The following GNAI3 variants were observed in gnomAD, a reference collection of about 807,000 sequenced individuals.
The protein encoded by GNAI3 is guanine nucleotide-binding protein G(i) subunit alpha-3.
GNAI3 carries 12 observed loss-of-function variants against 41.8 expected under a neutral mutation model. That is an observed-to-expected ratio of 0.29 (90% confidence interval 0.18 to 0.47). The LOEUF (loss-of-function observed/expected upper bound fraction) is 0.47, where lower values mean the gene tolerates loss of function less well. Ranked by LOEUF, GNAI3 falls within the 20% of genes least tolerant of loss-of-function variation. The pLI, the probability that GNAI3 is intolerant of heterozygous loss-of-function variation, is 1.00. For synonymous variants in GNAI3, 132 were observed against 146.5 expected (o/e 0.90, Z 0.71); for missense variants, 360 against 429.6 (o/e 0.84, Z 1.43).
At chr1:109,573,227 G>C (rs1486954048) in intron 1 of GNAI3, among the ~76,000 whole-genome samples, 1 of 152,158 alleles carries the variant, frequency 6.6e-6, no homozygotes, top group Non-Finnish European at 1.5e-5. Context: ...GGGTGGTCTT[G>C]AGATGACATA....
In GNAI3 at chr1:109,582,228, C is replaced by T. The variant is rs186952258; in HGVS notation, c.462-209C>T. ...CTGGTCTTGAACTCCTGGCCTCAAGCGACCTTCCTGCCTTGGCCTCCCAGA... is the reference window on the plus strand; with the variant it reads ...CTGGTCTTGAACTCCTGGCCTCAAGTGACCTTCCTGCCTTGGCCTCCCAGA... On this transcript the variant is annotated intron_variant, in intron 4 of 8. Coordinates refer to ENST00000369851, the MANE Select transcript of GNAI3 (RefSeq NM_006496.4). Among the ~76,000 whole-genome samples, 370 of 152,188 alleles carry T rather than the reference C, an allele frequency of 2.4e-3. 2 individuals are homozygous for T. The highest frequency in any genetic ancestry group is 5.6e-3 in the Admixed American group (85 of 15,296).
At position 109,576,090 on chromosome 1, in the gene GNAI3, C is replaced by T. The variant is rs557107318; in HGVS notation, c.303+2053C>T. Among the ~76,000 whole-genome samples, 16 of 152,026 alleles carry T rather than the reference C, an allele frequency of 1.1e-4. No homozygotes were observed. In the South Asian group the frequency reaches 1.5e-3, roughly 14 times the overall value. On this transcript the variant is annotated intron_variant, in intron 3 of 8. Coordinates refer to ENST00000369851, the MANE Select transcript of GNAI3 (RefSeq NM_006496.4). Reference sequence around the variant, plus strand: ...ATTTTTGTTTGTTTGTTTTTTGAGGCGGAGTTTTGCTCTTGTCACCCAGGC... The same window carrying T: ...ATTTTTGTTTGTTTGTTTTTTGAGGTGGAGTTTTGCTCTTGTCACCCAGGC...
intron 7 of GNAI3, among the ~76,000 whole-genome samples, chr1:109,588,762 G>A (rs150048699): frequency 0.025 from 3,754 of 151,440 alleles, 187 homozygotes; most frequent in African/African-American, 0.086. Flanking sequence ...GCATGGTGGT[G>A]TGCGCCTGTA....
intron 3 of GNAI3, among the ~76,000 whole-genome samples, chr1:109,578,274 C>T (rs1648800377): frequency 1.3e-5 from 2 of 152,006 alleles, no homozygotes; most frequent in South Asian, 2.1e-4. Context: ...TGTTCGAGAC[C>T]AGCCTGGCCA....
At chr1:109,572,313 T>TAAC (rs750952616) in intron 1 of GNAI3, among the ~76,000 whole-genome samples, 1 of 151,708 alleles carries the variant, frequency 6.6e-6, no homozygotes, top group South Asian at 2.1e-4. Flanking sequence ...CCATCTCAAA[T>TAAC]AATAATAATA....
intron 1 of GNAI3, among the ~76,000 whole-genome samples, chr1:109,552,019 G>A (rs1229004588): frequency 1.3e-5 from 2 of 152,088 alleles, no homozygotes; most frequent in Admixed American, 6.5e-5. Flanking sequence ...AAAATTAGCC[G>A]GGCGTGGTGG....
chr1:109,589,226 G>T (rs1322425461), intron 7 of GNAI3, among the ~76,000 whole-genome samples: 2 of 152,058 alleles, frequency 1.3e-5, no homozygotes, highest in Non-Finnish European at 2.9e-5. Context: ...TGGCAGGAGA[G>T]GAAGAAAGAT....
chr1:109,550,298 A>T (rs1647947801), intron 1 of GNAI3, among the ~76,000 whole-genome samples: 1 of 152,168 alleles, frequency 6.6e-6, no homozygotes, highest in South Asian at 2.1e-4. Context: ...TATAAAGGGA[A>T]AGTTATGTAT....
Position 109,586,320 on chromosome 1 carries a change from T to C in GNAI3, c.695T>C (p.Leu232Pro). The C allele has an allele frequency of 6.2e-7, 1 of 1,612,810 alleles. No homozygotes were observed. Among genetic ancestry groups the C allele is most frequent in the Non-Finnish European group, 8.5e-7 (1 of 1,179,322 alleles). ...TGTGTGGCCCTCAGTGATTATGACC[T>C]TGTTCTGGCTGAGGACGAGGAGATG... Reference protein sequence around the residue: ...IFCVALSDYDLVLAEDEEMNR... With the variant: ...IFCVALSDYDPVLAEDEEMNR... The change falls in exon 6 of 9, where the codon CTT becomes CCT. Residue 232 changes from leucine (L) to proline (P), a missense_variant. Transcript: ENST00000369851.
At chr1:109,591,671 T>G (rs1452014710) in intron 7 of GNAI3, 4 of 413,774 alleles carry the variant, frequency 9.7e-6, no homozygotes, top group African/African-American at 8.2e-5. Context: ...CCAAGATCAC[T>G]CCAAGGAACA....
At position 109,586,765 on chromosome 1, in the gene GNAI3, A is replaced by C. The variant is rs1649041558; in HGVS notation, c.757A>C (p.Ile253Leu). ...MHESMKLFDSICNNKWFTETS... is the reference protein window; with the variant it reads ...MHESMKLFDSLCNNKWFTETS... The stretch of plus-strand genomic sequence containing the variant: ...TGAAAGCATGAAACTGTTTGACAGC[A>C]TTTGTAATAACAAATGGTTTACAGA... The change falls in exon 7 of 9, where the codon ATT becomes CTT. Residue 253 changes from isoleucine to leucine, a missense_variant. Transcript: ENST00000369851. The C allele has an allele frequency of 6.2e-7, 1 of 1,605,530 alleles. No homozygotes were observed. The highest frequency in any genetic ancestry group is 8.5e-7 in the Non-Finnish European group (1 of 1,173,428).
In GNAI3 at chr1:109,553,385, T is replaced by C. The variant is rs535878052; in HGVS notation, c.118+4547T>C. Among the ~76,000 whole-genome samples the C allele has an allele frequency of 1.6e-4, 25 of 152,340 alleles. No homozygotes were observed. In the East Asian group the frequency reaches 4.8e-3, roughly 29 times the overall value. On this transcript the variant is annotated intron_variant, in intron 1 of 8. Coordinates refer to ENST00000369851, the MANE Select transcript of GNAI3 (RefSeq NM_006496.4). ...TCTTTGGGATTTGCTGGTGGTAGTA[T>C]GGCAAAAAGCCAGTTGCATGCAGAG...
At chr1:109,564,000 A>G (rs1648383970) in intron 1 of GNAI3, among the ~76,000 whole-genome samples, 1 of 151,366 alleles carries the variant, frequency 6.6e-6, no homozygotes, top group East Asian at 1.9e-4. Context: ...AAAAAAGGTA[A>G]TTCTCATGTC....
chr1:109,555,615 C>T (rs1031258250), intron 1 of GNAI3, among the ~76,000 whole-genome samples: 3 of 152,058 alleles, frequency 2.0e-5, no homozygotes, highest in African/African-American at 7.2e-5. Flanking sequence ...TACTAGATTT[C>T]ACAGGGCATG....
chr1:109,566,665 G>T (rs534654487), intron 1 of GNAI3, among the ~76,000 whole-genome samples: 1 of 152,090 alleles, frequency 6.6e-6, no homozygotes, highest in Non-Finnish European at 1.5e-5. Context: ...GGATTCAAGC[G>T]ATTCTCCTGC....
At chr1:109,586,683 C>T in intron 6 of GNAI3, 46 bp from the exon 7 acceptor site, 1 of 1,412,442 alleles carries the variant, frequency 7.1e-7, no homozygotes, top group Middle Eastern at 2.5e-4. Context: ...ACTTAATCCA[C>T]TTTTACTATT....
intron 1 of GNAI3, among the ~76,000 whole-genome samples, chr1:109,565,024 A>T (rs1215400214): frequency 6.6e-6 from 1 of 152,050 alleles, no homozygotes; most frequent in African/African-American, 2.4e-5. Context: ...GCACTTTGGG[A>T]GGCCGAGGCT....
At chr1:109,549,140 C>G (rs916852734) in intron 1 of GNAI3, among the ~76,000 whole-genome samples, 2 of 152,130 alleles carry the variant, frequency 1.3e-5, no homozygotes, top group African/African-American at 4.8e-5. Flanking sequence ...ATGGGAAAAG[C>G]TCATAAAGGA....
At chr1:109,571,761 T>G (rs2101099444) in intron 1 of GNAI3, among the ~76,000 whole-genome samples, 1 of 152,092 alleles carries the variant, frequency 6.6e-6, no homozygotes, top group African/African-American at 2.4e-5. Flanking sequence ...CTACTAAAAA[T>G]ACAAAAATTA....
Sources: allele counts gnomAD v4.1 joint callset (sites outside exome capture counted in the v4.1 genomes callset), GRCh38; gene constraint gnomAD v4.1.1; transcripts MANE v1.5; gene names NCBI Gene and HGNC (gene_info 2026-07-23, HGNC 2026-07-21).